The following GRIK1 variants were observed in gnomAD, a reference collection of about 807,000 sequenced individuals.
The protein encoded by GRIK1 is glutamate receptor ionotropic, kainate 1.
Under a neutral mutation model 105.7 loss-of-function variants are expected in GRIK1, and 69 were observed. The observed-to-expected ratio is 0.65, with a 90% confidence interval of 0.54 to 0.80. The LOEUF (loss-of-function observed/expected upper bound fraction) is 0.80. Among genes scored for constraint, GRIK1 ranks in the 30% least tolerant of loss-of-function variants. The probability of loss-of-function intolerance (pLI) is 0.00; values close to 1 mark genes in which losing one functional copy is unlikely to be tolerated. For synonymous variants in GRIK1, 438 were observed against 431.3 expected (o/e 1.02, Z -0.19); for missense variants, 1,109 against 1,167.3 (o/e 0.95, Z 0.73).
chr21:29,658,190 T>C (rs1383216214), intron 4 of GRIK1, among the ~76,000 whole-genome samples: 4 of 152,228 alleles, frequency 2.6e-5, no homozygotes, highest in Non-Finnish European at 5.9e-5. Flanking sequence ...ATATCAATAC[T>C]GTTCATATGG....
intron 1 of GRIK1, among the ~76,000 whole-genome samples, chr21:29,886,960 A>G (rs2069654177): frequency 6.6e-6 from 1 of 152,178 alleles, no homozygotes; most frequent in Non-Finnish European, 1.5e-5. Flanking sequence ...GAGACACCTT[A>G]TTAGATTTAT....
intron 1 of GRIK1, among the ~76,000 whole-genome samples, chr21:29,881,195 C>G (rs1029665221): frequency 2.6e-5 from 4 of 152,014 alleles, no homozygotes; most frequent in Non-Finnish European, 5.9e-5. Context: ...TAGCACTTTC[C>G]CTCTTAGTAT....
chr21:29,598,122 C>T (rs774469269), intron 8 of GRIK1, among the ~76,000 whole-genome samples: 9 of 151,942 alleles, frequency 5.9e-5, no homozygotes, highest in East Asian at 1.9e-4. Context: ...TTAATTCTGA[C>T]GTATAGTCAT....
At chr21:29,741,398 A>G (rs901927958) in intron 1 of GRIK1, among the ~76,000 whole-genome samples, 1 of 152,158 alleles carries the variant, frequency 6.6e-6, no homozygotes, top group Non-Finnish European at 1.5e-5. Flanking sequence ...CACATTTTAA[A>G]AGGGAACAAA....
intron 1 of GRIK1, among the ~76,000 whole-genome samples, chr21:29,885,346 A>C (rs2069575021): frequency 6.6e-6 from 1 of 152,084 alleles, no homozygotes; most frequent in Non-Finnish European, 1.5e-5. Flanking sequence ...TTCTCATACC[A>C]CAACCCTGAC....
chr21:29,582,189 A>T, intron 12 of GRIK1: 1 of 317,082 alleles, frequency 3.2e-6, no homozygotes, highest in Non-Finnish European at 6.4e-6. Context: ...GAGACAAGGC[A>T]TACATTTGGA....
At chr21:29,837,800 T>C (rs1253447709) in intron 1 of GRIK1, among the ~76,000 whole-genome samples, 5 of 152,162 alleles carry the variant, frequency 3.3e-5, no homozygotes, top group Admixed American at 2.6e-4. Flanking sequence ...TCCACATTAG[T>C]GGTACTTGGG....
intron 1 of GRIK1, among the ~76,000 whole-genome samples, chr21:29,868,434 A>G (rs1374253520): frequency 6.6e-6 from 1 of 152,190 alleles, no homozygotes; most frequent in Non-Finnish European, 1.5e-5. Flanking sequence ...GAAGCCTGTT[A>G]CAAAGCGGTA....
intron 3 of GRIK1, among the ~76,000 whole-genome samples, chr21:29,678,670 T>C (rs2063318334): frequency 6.6e-6 from 1 of 151,322 alleles, no homozygotes; most frequent in Non-Finnish European, 1.5e-5. Flanking sequence ...TAATTTATCA[T>C]TTTTTTTGAT....
intron 1 of GRIK1, among the ~76,000 whole-genome samples, chr21:29,744,525 G>T (rs2065004135): frequency 6.7e-6 from 1 of 150,342 alleles, no homozygotes; most frequent in African/African-American, 2.4e-5. Context: ...CTTCCTAGTT[G>T]TCAAGCTAGC....
intron 14 of GRIK1, among the ~76,000 whole-genome samples, chr21:29,573,259 C>T (rs1390972631): frequency 1.3e-5 from 2 of 152,086 alleles, no homozygotes; most frequent in East Asian, 3.9e-4. Context: ...TTTTCAGGAC[C>T]AGGGAGAAAG....
intron 1 of GRIK1, among the ~76,000 whole-genome samples, chr21:29,787,915 G>A (rs9984173): frequency 0.11 from 16,237 of 152,096 alleles, 966 homozygotes; most frequent in African/African-American, 0.14. Flanking sequence ...TTTGTTCCTC[G>A]TTTATCCTGA....
intron 1 of GRIK1, among the ~76,000 whole-genome samples, chr21:29,821,605 G>A (rs545870720): frequency 7.9e-5 from 12 of 152,056 alleles, no homozygotes; most frequent in South Asian, 2.1e-4. Flanking sequence ...GCAGATATTC[G>A]TAACACTTAA....
rs363471 is a variant in GRIK1, at chr21:29,596,802, C to T, written c.1207-232G>A. ...TGGTAAGACTCAATTTTTACTTTTC[C>T]TTTCACACACCAAGAAATGCCTTAA... On this transcript the variant is annotated intron_variant, in intron 8 of 17. Coordinates refer to ENST00000327783, the MANE Select transcript of GRIK1 (RefSeq NM_001330994.2). The T allele has an allele frequency of 5.1e-3, 2,816 of 548,502 alleles. 70 individuals are homozygous for T. Among genetic ancestry groups the T allele is most frequent in the African/African-American group, 0.048 (2,517 of 52,664 alleles). The allele number at this position is 548,502 out of a possible 1,614,324, so 34.0% of individuals were successfully genotyped here.
At chr21:29,693,220 C>T (rs1486489951) in intron 2 of GRIK1, among the ~76,000 whole-genome samples, 3 of 152,208 alleles carry the variant, frequency 2.0e-5, no homozygotes, top group Non-Finnish European at 2.9e-5. Flanking sequence ...TGTGATCTTA[C>T]TTCAAAGACT....
chr21:29,546,836 A>G (rs992977131), intron 16 of GRIK1, among the ~76,000 whole-genome samples: 2 of 152,226 alleles, frequency 1.3e-5, no homozygotes, highest in African/African-American at 4.8e-5. Context: ...TCAAAAGCTA[A>G]AAGTTTAACT....
intron 1 of GRIK1, among the ~76,000 whole-genome samples, chr21:29,735,892 T>C (rs945120019): frequency 2.1e-4 from 31 of 150,234 alleles, no homozygotes; most frequent in African/African-American, 7.6e-4. Context: ...AAGAGATTGG[T>C]ACATTGCCAA....
chr21:29,709,600 TA>T (rs1333161902), intron 1 of GRIK1, among the ~76,000 whole-genome samples: 1 of 152,164 alleles, frequency 6.6e-6, no homozygotes, highest in African/African-American at 2.4e-5. Flanking sequence ...AATATTTTTT[TA>T]AATTCCATCT....
In GRIK1 at chr21:29,659,820, G is replaced by A. The variant is rs891574716; in HGVS notation, c.727-4957C>T. ...TACTAAAAATACAAAAAATTAGTCG[G>A]CAGTGGTGGTGCGTGCCTGTAATCC... On this transcript the variant is annotated intron_variant, in intron 4 of 17. Coordinates refer to ENST00000327783, the MANE Select transcript of GRIK1 (RefSeq NM_001330994.2). 5.3e-5 allele frequency among the ~76,000 whole-genome samples: 8 copies of A among 152,064 alleles called. 1 individual carries two copies. The highest frequency in any genetic ancestry group is 5.2e-4 in the Admixed American group (8 of 15,264).
Sources: gnomAD v4.1 joint callset for allele counts (sites outside exome capture counted in the v4.1 genomes callset) on GRCh38, gnomAD v4.1.1 for gene constraint, MANE v1.5 for transcripts, NCBI Gene and HGNC (gene_info 2026-07-23, HGNC 2026-07-21) for gene names.